The following KIF6 variants were observed in gnomAD, a reference collection of about 807,000 sequenced individuals.
KIF6 encodes kinesin family member 6.
KIF6 carries 106 observed loss-of-function variants against 112.7 expected under a neutral mutation model. That is an observed-to-expected ratio of 0.94 (90% CI 0.80 to 1.11). The LOEUF (loss-of-function observed/expected upper bound fraction) is 1.11, where lower values mean the gene tolerates loss of function less well. Among genes scored for constraint, KIF6 ranks in the 50% least tolerant of loss-of-function variants. The probability of loss-of-function intolerance (pLI) is 0.00; values close to 1 mark genes in which losing one functional copy is unlikely to be tolerated. For synonymous variants in KIF6, 339 were observed against 339.9 expected, an observed-to-expected ratio of 1.00 and a Z score of 0.03; for missense variants, 929 against 964.0, an observed-to-expected ratio of 0.96 and a Z score of 0.48.
chr6:39,622,518 T>C (rs986545385), intron 5 of KIF6, among the ~76,000 whole-genome samples: 5 of 152,194 alleles, frequency 3.3e-5, no homozygotes, highest in African/African-American at 7.2e-5. Flanking sequence ...TGGAATGAAA[T>C]AAGGGCTCTA....
In KIF6 at chr6:39,530,476, G is replaced by A. The variant is rs560241442; in HGVS notation, c.1645+9527C>T. 5.3e-5 allele frequency among the ~76,000 whole-genome samples: 8 copies of A among 152,214 alleles called. No homozygotes were observed. In the East Asian group the frequency reaches 5.8e-4, roughly 11 times the overall value. On this transcript the variant is annotated intron_variant, in intron 13 of 22. Transcript: ENST00000287152. ...TACAACTCTTTCCAAACTACGGAGCGGAACAATCTCTCTCATTATTTCAAT... is the reference window on the plus strand; with the variant it reads ...TACAACTCTTTCCAAACTACGGAGCAGAACAATCTCTCTCATTATTTCAAT...
At chr6:39,383,381 C>A (rs556336175) in intron 16 of KIF6, among the ~76,000 whole-genome samples, 1 of 151,894 alleles carries the variant, frequency 6.6e-6, no homozygotes, top group East Asian at 1.9e-4. Context: ...TCTCTGCAAA[C>A]GGTTAGTTTT....
intron 6 of KIF6, among the ~76,000 whole-genome samples, chr6:39,599,921 A>G (rs916155685): frequency 1.3e-5 from 2 of 152,208 alleles, no homozygotes; most frequent in Non-Finnish European, 2.9e-5. Flanking sequence ...GTCTGTAATT[A>G]AAATGCAGTA....
chr6:39,620,358 T>C (rs574045185), intron 5 of KIF6: 11 of 152,306 alleles, frequency 7.2e-5, no homozygotes, highest in African/African-American at 2.6e-4. Flanking sequence ...CCACAAATTA[T>C]GTACTCAAGT....
intron 7 of KIF6, 24 bp downstream of exon 7, chr6:39,596,030 T>C (rs1561847810): frequency 3.2e-6 from 5 of 1,577,512 alleles, no homozygotes; most frequent in Non-Finnish European, 4.4e-6. Context: ...TAGTTATTAA[T>C]ACATCCCACT....
At chr6:39,504,445 A>G (rs1045278234) in intron 13 of KIF6, among the ~76,000 whole-genome samples, 10 of 152,328 alleles carry the variant, frequency 6.6e-5, no homozygotes, top group African/African-American at 2.2e-4. Context: ...GCACAAGAGA[A>G]GGATGTCCTC....
intron 3 of KIF6, among the ~76,000 whole-genome samples, chr6:39,705,847 T>C (rs1789177467): frequency 1.3e-5 from 2 of 152,196 alleles, no homozygotes; most frequent in South Asian, 4.1e-4. Context: ...CCTACCTTCC[T>C]TTCCTTCGCT....
At chr6:39,620,290 A>C (rs1316109369) in intron 5 of KIF6, 1 of 152,154 alleles carries the variant, frequency 6.6e-6, no homozygotes, top group Non-Finnish European at 1.5e-5. Context: ...TTTCAAAGGA[A>C]GTTTTCTCCC....
At chr6:39,535,297 T>C (rs1778353185) in intron 13 of KIF6, among the ~76,000 whole-genome samples, 1 of 152,136 alleles carries the variant, frequency 6.6e-6, no homozygotes, top group African/African-American at 2.4e-5. Context: ...GACCCATCAG[T>C]GTGCTGTATT....
chr6:39,484,552 G>A (rs372059754), intron 13 of KIF6, among the ~76,000 whole-genome samples: 89 of 152,278 alleles, frequency 5.8e-4, no homozygotes, highest in African/African-American at 2.0e-3. Context: ...AGTAAAAGAA[G>A]AAGCTGGAAA....
At chr6:39,549,923 C>T (rs1779276452) in intron 10 of KIF6, among the ~76,000 whole-genome samples, 1 of 151,746 alleles carries the variant, frequency 6.6e-6, no homozygotes, top group African/African-American at 2.4e-5. Flanking sequence ...CTGTAACACA[C>T]ATAAGAAGAC....
At chr6:39,606,132 C>G (rs888392651) in intron 6 of KIF6, among the ~76,000 whole-genome samples, 4 of 151,594 alleles carry the variant, frequency 2.6e-5, no homozygotes, top group African/African-American at 9.7e-5. Context: ...TTCCCTCCTC[C>G]TCCTTCTCCT....
intron 13 of KIF6, among the ~76,000 whole-genome samples, chr6:39,472,952 TCTC>T (rs939761302): frequency 6.7e-6 from 1 of 150,070 alleles, no homozygotes; most frequent in African/African-American, 2.5e-5. Flanking sequence ...AATGGCGCGA[TCTC>T]AGCTCACCGC....
intron 13 of KIF6, 48 bp from the exon 14 acceptor site, chr6:39,431,209 T>A: frequency 9.0e-7 from 1 of 1,106,586 alleles, no homozygotes. Flanking sequence ...ATCAGGATCC[T>A]ATTAATTTCA....
At chr6:39,405,809 G>A (rs966501888) in intron 15 of KIF6, among the ~76,000 whole-genome samples, 15 of 152,086 alleles carry the variant, frequency 9.9e-5, no homozygotes, top group Admixed American at 2.0e-4. Flanking sequence ...GAAACTCTCT[G>A]GGCCTTCATT....
chr6:39,464,148 C>T (rs61130463), intron 13 of KIF6, among the ~76,000 whole-genome samples: 3,512 of 152,116 alleles, frequency 0.023, 109 homozygotes, highest in African/African-American at 0.064. Context: ...CACATCTGAC[C>T]GTTGTCGTGC....
At chr6:39,337,172 C>CTTCTTTCTTTT (rs1763014376) in intron 22 of KIF6, among the ~76,000 whole-genome samples, 1 of 59,504 alleles carries the variant, frequency 1.7e-5, no homozygotes, top group Non-Finnish European at 2.9e-5. Context: ...TCTTTCCTTC[C>CTTCTTTCTTTT]TTCTTTCTTT....
intron 13 of KIF6, among the ~76,000 whole-genome samples, chr6:39,464,913 T>C (rs1724307826): frequency 6.6e-6 from 1 of 152,250 alleles, no homozygotes; most frequent in African/African-American, 2.4e-5. Context: ...CTGTCCCAGT[T>C]TATGGCAAAA....
At chr6:39,543,857 A>G (rs1778927980) in intron 12 of KIF6, among the ~76,000 whole-genome samples, 1 of 152,198 alleles carries the variant, frequency 6.6e-6, no homozygotes, top group Admixed American at 6.5e-5. Flanking sequence ...CCCATGGGCT[A>G]CTACCACTTT....
Sources: gnomAD v4.1 joint callset for allele counts (sites outside exome capture counted in the v4.1 genomes callset) on GRCh38, gnomAD v4.1.1 for gene constraint, MANE v1.5 for transcripts, NCBI Gene and HGNC (gene_info 2026-07-23, HGNC 2026-07-21) for gene names.